The following MAF variants were observed in gnomAD, a reference collection of about 807,000 sequenced individuals.
MAF encodes transcription factor Maf.
Under a neutral mutation model 22.0 loss-of-function variants are expected in MAF, and 10 were observed. The ratio of observed to expected loss-of-function variants is 0.45; its 90% CI spans 0.28 to 0.77. The LOEUF (loss-of-function observed/expected upper bound fraction) is 0.77. Ranked by LOEUF, MAF falls within the 30% of genes least tolerant of loss-of-function variation. The pLI, the probability that MAF is intolerant of heterozygous loss-of-function variation, is 0.12. For synonymous variants in MAF, 337 were observed against 255.8 expected, an observed-to-expected ratio of 1.32 and a Z score of -3.03; for missense variants, 544 against 548.4, an observed-to-expected ratio of 0.99 and a Z score of 0.08.
the MAF span, among the ~76,000 whole-genome samples, chr16:79,251,338 G>A: frequency 0.13 from 17,276 of 132,112 alleles, 1,340 homozygotes; most frequent in Non-Finnish European, 0.18. Flanking sequence ...TTTTTGAGAC[G>A]GAGTTTTGCT....
the MAF span, among the ~76,000 whole-genome samples, chr16:79,420,700 G>T: frequency 6.6e-6 from 1 of 152,176 alleles, no homozygotes; most frequent in African/African-American, 2.4e-5. Context: ...CATCCGCGGT[G>T]AACCGCGGCC....
chr16:79,386,481 A>T, the MAF span, among the ~76,000 whole-genome samples: 1 of 152,106 alleles, frequency 6.6e-6, no homozygotes, highest in African/African-American at 2.4e-5. Flanking sequence ...CACGTGAGTG[A>T]TGGGGAGTGG....
At chr16:79,431,780 C>G in the MAF span, among the ~76,000 whole-genome samples, 1 of 152,180 alleles carries the variant, frequency 6.6e-6, no homozygotes, top group African/African-American at 2.4e-5. Context: ...ACATGATTTT[C>G]TGGTACTAGT....
At chr16:79,367,301 A>G in the MAF span, among the ~76,000 whole-genome samples, 1 of 152,180 alleles carries the variant, frequency 6.6e-6, no homozygotes, top group Non-Finnish European at 1.5e-5. Flanking sequence ...GATCAGTTGT[A>G]CCTTGTCTTA....
chr16:79,271,531 A>C, the MAF span, among the ~76,000 whole-genome samples: 1 of 152,242 alleles, frequency 6.6e-6, no homozygotes, highest in South Asian at 2.1e-4. Context: ...GTAAGTATGC[A>C]TGAGTAGACT....
At chr16:79,410,985 G>A in the MAF span, among the ~76,000 whole-genome samples, 28 of 152,290 alleles carry the variant, frequency 1.8e-4, no homozygotes, top group South Asian at 5.8e-3. Context: ...TTAGATATCG[G>A]TCTTAGGGAC....
chr16:79,287,118 CTTTT>C, the MAF span, among the ~76,000 whole-genome samples: 62 of 136,172 alleles, frequency 4.6e-4, no homozygotes, highest in East Asian at 0.012. Context: ...CTCTGCCTTC[CTTTT>C]TTTTTTTTTT....
At chr16:79,452,250 T>C in the MAF span, among the ~76,000 whole-genome samples, 23 of 152,212 alleles carry the variant, frequency 1.5e-4, no homozygotes, top group Non-Finnish European at 2.6e-4. Context: ...TGGGTGTATA[T>C]AAAACAAGCT....
the MAF span, among the ~76,000 whole-genome samples, chr16:79,475,432 G>T: frequency 6.6e-6 from 1 of 151,288 alleles, no homozygotes; most frequent in African/African-American, 2.4e-5. Context: ...CTATGTCCAG[G>T]ATCTTAAACG....
chr16:79,566,641 G>C, the MAF span, among the ~76,000 whole-genome samples: 2 of 143,366 alleles, frequency 1.4e-5, no homozygotes, highest in Non-Finnish European at 3.1e-5. Context: ...CAAGGTTCAA[G>C]AGCAAAGTGT....
the MAF span, among the ~76,000 whole-genome samples, chr16:79,208,816 C>A: frequency 1.3e-5 from 2 of 152,302 alleles, no homozygotes; most frequent in Middle Eastern, 6.8e-3. Context: ...AGATGTCACT[C>A]AGAGGTTGCC....
At chr16:79,342,337 G>T in the MAF span, among the ~76,000 whole-genome samples, 1 of 152,218 alleles carries the variant, frequency 6.6e-6, no homozygotes, top group Non-Finnish European at 1.5e-5. Context: ...ACATCCAGGT[G>T]TGTCTTCACA....
the MAF span, among the ~76,000 whole-genome samples, chr16:79,485,928 G>C: frequency 2.0e-5 from 3 of 152,262 alleles, no homozygotes; most frequent in Middle Eastern, 6.8e-3. Flanking sequence ...CCAATAATGG[G>C]ATAGATTTTT....
At chr16:79,252,123 C>G in the MAF span, among the ~76,000 whole-genome samples, 1 of 152,234 alleles carries the variant, frequency 6.6e-6, no homozygotes, top group Non-Finnish European at 1.5e-5. Flanking sequence ...CTGGTTCTGT[C>G]AGGCAGGACT....
chr16:79,239,654 C>A, the MAF span, among the ~76,000 whole-genome samples: 1 of 152,022 alleles, frequency 6.6e-6, no homozygotes, highest in Admixed American at 6.6e-5. Flanking sequence ...TGTCTCACAG[C>A]TGGGAATCAC....
At chr16:79,381,326 G>A in the MAF span, among the ~76,000 whole-genome samples, 3 of 152,248 alleles carry the variant, frequency 2.0e-5, no homozygotes, top group African/African-American at 7.2e-5. Flanking sequence ...CCATAGGTCA[G>A]AGAGTCAGAC....
intron 1 of MAF, 63 bp from the exon 2 acceptor site, chr16:79,594,616 G>T (rs941943165): frequency 1.3e-6 from 2 of 1,541,430 alleles, no homozygotes; most frequent in Non-Finnish European, 8.7e-7. Flanking sequence ...AGCGTAAAGG[G>T]GAAAGCTAGA....
chr16:79,243,805 C>A, the MAF span, among the ~76,000 whole-genome samples: 1 of 151,924 alleles, frequency 6.6e-6, no homozygotes, highest in African/African-American at 2.4e-5. Flanking sequence ...AACATTGCTG[C>A]GAAAATCCTC....
At chr16:79,415,850 C>G in the MAF span, among the ~76,000 whole-genome samples, 2 of 152,000 alleles carry the variant, frequency 1.3e-5, no homozygotes. Flanking sequence ...TCTCAAGTCA[C>G]AAACCCCTTG....
Sources: gnomAD v4.1 joint callset for allele counts (sites outside exome capture counted in the v4.1 genomes callset) on GRCh38, gnomAD v4.1.1 for gene constraint, MANE v1.5 for transcripts, NCBI Gene and HGNC (gene_info 2026-07-23, HGNC 2026-07-21) for gene names.